Variants in CEP76 observed in about 807,000 individuals in gnomAD.
CEP76 encodes centrosomal protein of 76 kDa.
CEP76 carries 55 observed loss-of-function variants against 83.3 expected under a neutral mutation model. The ratio of observed to expected loss-of-function variants is 0.66; its 90% CI spans 0.53 to 0.83. The LOEUF is 0.83. Among genes scored for constraint, CEP76 ranks in the 40% least tolerant of loss-of-function variants. The pLI, the probability that CEP76 is intolerant of heterozygous loss-of-function variation, is 0.00. For missense variants in CEP76, 694 were observed against 799.5 expected, an observed-to-expected ratio of 0.87 and a Z score of 1.59; for synonymous variants, 270 against 274.5, an observed-to-expected ratio of 0.98 and a Z score of 0.16.
intron 7 of CEP76, among the ~76,000 whole-genome samples, chr18:12,689,078 C>A (rs1435020157): frequency 6.6e-6 from 1 of 152,174 alleles, no homozygotes; most frequent in Non-Finnish European, 1.5e-5. Flanking sequence ...CGCACCACTG[C>A]ACTCAACCCT....
downstream of CEP76, among the ~76,000 whole-genome samples, chr18:12,671,451 AACTT>A (rs1317502338): frequency 6.6e-6 from 1 of 152,058 alleles, no homozygotes; most frequent in East Asian, 1.9e-4. Context: ...AAAAATAAAA[AACTT>A]AAAAAAAATG....
chr18:12,694,370 G>C (rs2039874895), intron 6 of CEP76, among the ~76,000 whole-genome samples: 1 of 152,166 alleles, frequency 6.6e-6, no homozygotes, highest in Non-Finnish European at 1.5e-5. Flanking sequence ...CATTCCACAA[G>C]TGCCATCCCG....
At chr18:12,677,384 A>ACCAAGATCACGCCACTGTG (rs548162238) in intron 10 of CEP76, among the ~76,000 whole-genome samples, 3 of 149,748 alleles carry the variant, frequency 2.0e-5, no homozygotes, top group Non-Finnish European at 1.5e-5. Flanking sequence ...GTTGCAGTGA[A>ACCAAGATCACGCCACTGTG]CCAAGATCAC....
At chr18:12,673,709 G>A (rs1318059316) in intron 11 of CEP76, among the ~76,000 whole-genome samples, 3 of 151,854 alleles carry the variant, frequency 2.0e-5, no homozygotes, top group East Asian at 3.9e-4. Flanking sequence ...GTGAAACCCC[G>A]CCTCTACTAA....
At chr18:12,675,921 G>A (rs376813741) in intron 10 of CEP76, among the ~76,000 whole-genome samples, 4 of 151,842 alleles carry the variant, frequency 2.6e-5, no homozygotes, top group African/African-American at 9.7e-5. Flanking sequence ...CACCCACCTC[G>A]GCCTCCCAAA....
intron 4 of CEP76, among the ~76,000 whole-genome samples, chr18:12,698,194 AT>A (rs1157157768): frequency 3.3e-5 from 5 of 151,584 alleles, no homozygotes; most frequent in African/African-American, 1.2e-4. Context: ...ATAAAAATTT[AT>A]TAGAAGTTTT....
downstream of CEP76, among the ~76,000 whole-genome samples, chr18:12,668,597 C>CAAAAAAAAAAAAAAA (rs752216074): frequency 4.3e-4 from 31 of 72,824 alleles, no homozygotes; most frequent in South Asian, 7.6e-4. Context: ...GATTCCATCT[C>CAAAAAAAAAAAAAAA]AAAAAAAAAA....
At chr18:12,697,025 G>A (rs1226443193) in intron 5 of CEP76, among the ~76,000 whole-genome samples, 198 bp downstream of exon 5, 1 of 152,150 alleles carries the variant, frequency 6.6e-6, no homozygotes, top group Non-Finnish European at 1.5e-5. Flanking sequence ...AGGTCAGATT[G>A]ACCATGAAGT....
Position 12,678,223 on chromosome 18 carries a change from T to C in CEP76, c.1509A>G (p.Gly503=). 1.9e-6 allele frequency: 3 copies of C among 1,614,148 alleles called. No individual in the cohort carries two copies. The highest frequency in any genetic ancestry group is 2.5e-6 in the Non-Finnish European group (3 of 1,180,008). ...EEAIKSVCAP[G]ATTSLPPFPP... Reference sequence around the variant, plus strand: ...GAAAGGGAGGAAGGGATGTTGTAGCTCCAGGAGCACACACAGATTTAATTG... The same window carrying C: ...GAAAGGGAGGAAGGGATGTTGTAGCCCCAGGAGCACACACAGATTTAATTG... Residue 503 remains glycine (G), a synonymous_variant, in exon 10 of 12, where the codon GGA becomes GGG. Transcript: ENST00000262127.
At chr18:12,682,107 C>CTACACGCGAAAGCAAAAATAACTT (rs2039371338) in intron 8 of CEP76, among the ~76,000 whole-genome samples, 1 of 152,110 alleles carries the variant, frequency 6.6e-6, no homozygotes, top group East Asian at 1.9e-4. Context: ...TGTAGGAAGA[C>CTACACGCGAAAGCAAAAATAACTT]TACACGCGAA....
At chr18:12,682,532 GT>G (rs1228611698) in intron 8 of CEP76, among the ~76,000 whole-genome samples, 2 of 151,880 alleles carry the variant, frequency 1.3e-5, no homozygotes, top group African/African-American at 2.4e-5. Context: ...TGGTGCTAAA[GT>G]TTTTTAAAAA....
chr18:12,669,761 G>A (rs1426463973), downstream of CEP76, among the ~76,000 whole-genome samples: 3 of 152,100 alleles, frequency 2.0e-5, no homozygotes, highest in Non-Finnish European at 2.9e-5. Flanking sequence ...AGCACTTTGG[G>A]AGGCCAAGGC....
At chr18:12,670,659 A>T (rs2038919374), downstream of CEP76, 2 of 111,720 alleles carry the variant, frequency 1.8e-5, no homozygotes, top group Non-Finnish European at 3.5e-5. Context: ...GGTTTTTTTT[A>T]ACTTTTTTAA....
chr18:12,698,372 T>A (rs904945881), intron 4 of CEP76, among the ~76,000 whole-genome samples: 1 of 152,162 alleles, frequency 6.6e-6, no homozygotes. Flanking sequence ...TTTCGACATG[T>A]TGGCTAGGCT....
chr18:12,686,067 A>G, intron 8 of CEP76, 195 bp downstream of exon 8: 1 of 468,542 alleles, frequency 2.1e-6, no homozygotes, highest in Non-Finnish European at 3.8e-6. Context: ...AATTTGTACT[A>G]TTTTTTATTA....
intron 4 of CEP76, among the ~76,000 whole-genome samples, chr18:12,697,880 GA>G (rs1041286424): frequency 4.6e-5 from 7 of 151,920 alleles, no homozygotes; most frequent in African/African-American, 1.7e-4. Context: ...CTTTCAAAGG[GA>G]AAAAAATAAA....
chr18:12,661,963 T>C (rs915029215), exon 13 of CEP76: 20 of 256,494 alleles, frequency 7.8e-5, no homozygotes, highest in Non-Finnish European at 1.4e-4. Context: ...TATGATTTTG[T>C]TTTGTTGATT....
rs765259658 is a variant in CEP76 at position 12,697,277 on chromosome 18, C to G, written c.652G>C (p.Val218Leu). 3 of 1,614,052 alleles carry G rather than the reference C, an allele frequency of 1.9e-6. No homozygotes were observed. Among genetic ancestry groups the G allele is most frequent in the Non-Finnish European group, 2.5e-6 (3 of 1,179,952 alleles). Residue 218 changes from valine to leucine, a missense_variant, in exon 5 of 12, where the codon GTT becomes CTT. Transcript: ENST00000262127. ...GTCACTCCATTTTCTGAGCCCAAAA[C>G]CGATCGCCATTCCAGAAAATATGAT... ...VASYFLEWRS[V>L]LGSENGVTSL...
In CEP76 at chr18:12,678,227, G is replaced by A; in HGVS notation, c.1505C>T (p.Pro502Leu). Reference protein sequence around the residue: ...SEEAIKSVCAPGATTSLPPFP... With the variant: ...SEEAIKSVCALGATTSLPPFP... ...GGGAGGAAGGGATGTTGTAGCTCCA[G>A]GAGCACACACAGATTTAATTGCTTC... Residue 502 changes from proline (P) to leucine (L), a missense_variant, in exon 10 of 12, where the codon CCT (proline) becomes CTT (leucine). By Grantham distance (98) the Pro-to-Leu change is moderately conservative. Transcript: ENST00000262127. The A allele has an allele frequency of 6.2e-7, 1 of 1,614,148 alleles. No homozygotes were observed. Among genetic ancestry groups the A allele is most frequent in the Non-Finnish European group, 8.5e-7 (1 of 1,180,018 alleles).
Sources: gnomAD v4.1 joint callset for allele counts (sites outside exome capture counted in the v4.1 genomes callset) on GRCh38, gnomAD v4.1.1 for gene constraint, MANE v1.5 for transcripts, NCBI Gene and HGNC (gene_info 2026-07-23, HGNC 2026-07-21) for gene names.